HAVCR1: variants seen among roughly 807,000 people sequenced by gnomAD.
HAVCR1 encodes hepatitis A virus cellular receptor 1, also known as T cell immunoglobin domain and mucin domain protein 1.
A neutral mutation model predicts 32.0 loss-of-function variants in HAVCR1; 34 were observed. The ratio of observed to expected loss-of-function variants is 1.06; its 90% CI spans 0.81 to 1.42. HAVCR1 has a LOEUF of 1.42. HAVCR1 is among the 40% of genes most tolerant of loss of function. The pLI, the probability that HAVCR1 is intolerant of heterozygous loss-of-function variation, is 0.00. For synonymous variants in HAVCR1, 178 were observed against 170.3 expected (o/e 1.05, Z -0.35); for missense variants, 420 against 442.3 (o/e 0.95, Z 0.45).
chr5:157,035,133 TAATA>T (rs1008489239), intron 7 of HAVCR1, among the ~76,000 whole-genome samples: 1 of 152,148 alleles, frequency 6.6e-6, no homozygotes, highest in Admixed American at 6.5e-5. Context: ...TCTGTACACA[TAATA>T]AATATGTATT....
chr5:157,057,899 T>C lies in HAVCR1; in HGVS notation c.45A>G (p.Ala15=). The C allele has an allele frequency of 6.2e-7, 1 of 1,611,140 alleles. No individual in the cohort carries two copies. The highest frequency in any genetic ancestry group is 8.5e-7 in the Non-Finnish European group (1 of 1,178,082). ...VVILSLILHL[A]DSVAGSVKVG... ...CGCCCAGGGCACCTACTCACTTACC[T>C]GCCAGATGTAGGATGAGGCTTAAGA... is the stretch of plus-strand genomic sequence containing the variant. The change falls in exon 2 of 9, where the codon GCA becomes GCG. Residue 15 remains alanine (A), a splice_region_variant and synonymous_variant. Coordinates refer to ENST00000523175, the MANE Select transcript of HAVCR1 (RefSeq NM_001173393.3).
upstream of HAVCR1, among the ~76,000 whole-genome samples, chr5:157,059,800 A>G (rs527636986): frequency 6.7e-6 from 1 of 148,766 alleles, no homozygotes; most frequent in African/African-American, 2.5e-5. Context: ...CCTGGGCAAC[A>G]TAGCAAGACT....
intron 6 of HAVCR1, among the ~76,000 whole-genome samples, chr5:157,039,608 C>G (rs1455632333): frequency 1.3e-5 from 2 of 152,198 alleles, no homozygotes; most frequent in Non-Finnish European, 2.9e-5. Context: ...CTCAGCCTCC[C>G]AAAGTGCTGG....
the HAVCR1 span, among the ~76,000 whole-genome samples, chr5:157,066,083 G>A: frequency 7.8e-6 from 1 of 128,958 alleles, no homozygotes; most frequent in Non-Finnish European, 1.6e-5. Context: ...AAAATGCTGA[G>A]GTGGAAGAGG....
the HAVCR1 span, among the ~76,000 whole-genome samples, chr5:157,068,428 ATT>A: frequency 2.6e-5 from 4 of 151,778 alleles, no homozygotes; most frequent in African/African-American, 9.7e-5. Flanking sequence ...TACAAAAAAA[ATT>A]TTTTTAATTA....
At chr5:157,051,862 C>T (rs1287684656) in intron 4 of HAVCR1, among the ~76,000 whole-genome samples, 3 of 152,180 alleles carry the variant, frequency 2.0e-5, no homozygotes, top group Non-Finnish European at 2.9e-5. Flanking sequence ...TATAATTATC[C>T]TAAGAATTAA....
upstream of HAVCR1, among the ~76,000 whole-genome samples, chr5:157,062,124 A>T (rs1384167057): frequency 6.6e-6 from 1 of 152,180 alleles, no homozygotes; most frequent in Non-Finnish European, 1.5e-5. Flanking sequence ...GCTGGAAGTG[A>T]CAATACTTGG....
At chr5:157,037,688 T>A (rs1754618876) in intron 6 of HAVCR1, among the ~76,000 whole-genome samples, 1 of 152,188 alleles carries the variant, frequency 6.6e-6, no homozygotes, top group South Asian at 2.1e-4. Flanking sequence ...GTTTTAAAAG[T>A]CAATAGGCTA....
At chr5:157,029,928 A>C in intron 8 of HAVCR1, 87 bp from the exon 9 acceptor site, 1 of 1,043,308 alleles carries the variant, frequency 9.6e-7, no homozygotes, top group Non-Finnish European at 1.4e-6. Context: ...GTTTATGATC[A>C]GGCAATATCA....
At position 157,044,368 on chromosome 5, in the gene HAVCR1, CGAAGGAAGGAAGGAAGGAAGGAAGGAAG is replaced by C. The variant is rs573183336; in HGVS notation, c.782-1714_782-1687del. ...GGGAAGGGAAGGGAGAAAGAAAGGA[CGAAGGAAGGAAGGAAGGAAGGAAGGAAG>C]GAAGGAAGGAAGGAAGGAAGGAAGG... On this transcript the variant is annotated intron_variant, in intron 5 of 8. Coordinates refer to ENST00000523175, the MANE Select transcript of HAVCR1 (RefSeq NM_001173393.3). Among the ~76,000 whole-genome samples, 172 of 31,320 alleles carry C rather than the reference CGAAGGAAGGAAGGAAGGAAGGAAGGAAG, an allele frequency of 5.5e-3. 4 individuals carry two copies. Among genetic ancestry groups the C allele is most frequent in the South Asian group, 0.011 (9 of 822 alleles). The allele number at this position is 31,320 out of a possible 152,430, so 20.5% of individuals were successfully genotyped here. A position where few individuals can be genotyped will look rare whatever the true frequency, so the allele number is the denominator to read the frequency against.
At chr5:157,043,628 A>G (rs1230363823) in intron 5 of HAVCR1, among the ~76,000 whole-genome samples, 3 of 152,200 alleles carry the variant, frequency 2.0e-5, no homozygotes, top group Non-Finnish European at 4.4e-5. Context: ...TGATGGCACC[A>G]CTGCACTCCA....
At chr5:157,056,274 A>G (rs923165955) in intron 2 of HAVCR1, among the ~76,000 whole-genome samples, 2 of 149,056 alleles carry the variant, frequency 1.3e-5, no homozygotes, top group African/African-American at 4.9e-5. Context: ...CCTTTTTCCA[A>G]GTTAGCTGAT....
At chr5:157,048,964 G>A (rs1056849751) in intron 5 of HAVCR1, 74 bp downstream of exon 5, 4 of 846,440 alleles carry the variant, frequency 4.7e-6, no homozygotes, top group East Asian at 2.4e-5. Context: ...ATTCCAGAGC[G>A]TGTGCTCTCA....
chr5:157,043,088 AAAACCAGAACC>A (rs1755010811), intron 5 of HAVCR1, among the ~76,000 whole-genome samples: 1 of 152,222 alleles, frequency 6.6e-6, no homozygotes, highest in South Asian at 2.1e-4. Context: ...TGTACATCCA[AAAACCAGAACC>A]ACCCTTTTCA....
At chr5:157,053,383 A>AAAG (rs1755890415) in intron 3 of HAVCR1, among the ~76,000 whole-genome samples, 1 of 6,230 alleles carries the variant, frequency 1.6e-4, no homozygotes, top group South Asian at 0.024. Context: ...ACCCTGTCTT[A>AAAG]AAAAAAAAAA....
intron 4 of HAVCR1, among the ~76,000 whole-genome samples, chr5:157,050,437 T>C (rs949536612): frequency 6.6e-6 from 1 of 152,196 alleles, no homozygotes; most frequent in Non-Finnish European, 1.5e-5. Context: ...GCAGGGAAGA[T>C]TGGATGCAAA....
rs1221481525 is a variant in HAVCR1 at position 157,029,844 on chromosome 5, G to A, written c.987-3C>T. 1.2e-6 allele frequency: 2 copies of A among 1,609,424 alleles called. No homozygotes were observed. The highest frequency in any genetic ancestry group is 1.3e-5 in the African/African-American group (1 of 74,654). On this transcript the variant is annotated splice_polypyrimidine_tract_variant and splice_region_variant and intron_variant, in intron 8 of 8. Coordinates refer to ENST00000523175, the MANE Select transcript of HAVCR1 (RefSeq NM_001173393.3). Reference sequence around the variant, plus strand: ...TTTGAAGGCTGCTAAATGAAACACTGTAGAAAGAGTTGTTGAAGAATAACA... The same window carrying A: ...TTTGAAGGCTGCTAAATGAAACACTATAGAAAGAGTTGTTGAAGAATAACA...
intron 5 of HAVCR1, among the ~76,000 whole-genome samples, chr5:157,044,676 A>AGGAAGGAAGGAGGGAG: frequency 9.1e-6 from 1 of 109,542 alleles, no homozygotes; most frequent in East Asian, 3.5e-4. Context: ...AAAGAAAGAA[A>AGGAAGGAAGGAGGGAG]GGAGGGAGGG....
At chr5:157,042,024 A>C (rs1027805886) in intron 6 of HAVCR1, among the ~76,000 whole-genome samples, 1 of 151,760 alleles carries the variant, frequency 6.6e-6, no homozygotes, top group Non-Finnish European at 1.5e-5. Context: ...GCATCACTAC[A>C]CTCCAGCCTA....
Sources: allele counts gnomAD v4.1 joint callset (sites outside exome capture counted in the v4.1 genomes callset), GRCh38; gene constraint gnomAD v4.1.1; transcripts MANE v1.5; gene names NCBI Gene and HGNC (gene_info 2026-07-23, HGNC 2026-07-21).